The following NRG1 variants were observed in gnomAD, a reference collection of about 807,000 sequenced individuals.
NRG1 encodes pro-neuregulin-1, membrane-bound isoform.
In NRG1, 18 loss-of-function variants were observed where a neutral mutation model predicts 63.8. That is an observed-to-expected ratio of 0.28 (90% CI 0.19 to 0.42). The LOEUF (loss-of-function observed/expected upper bound fraction) is 0.42, where lower values mean the gene tolerates loss of function less well. Ranked by LOEUF, NRG1 falls within the 10% of genes least tolerant of loss-of-function variation. The probability of loss-of-function intolerance (pLI) is 1.00; values close to 1 mark genes in which losing one functional copy is unlikely to be tolerated. For missense variants in NRG1, 762 were observed against 814.7 expected, an observed-to-expected ratio of 0.94 and a Z score of 0.79; for synonymous variants, 302 against 301.3, an observed-to-expected ratio of 1.00 and a Z score of -0.02.
At chr8:32,636,369 A>G (rs898702799) in intron 5 of NRG1, among the ~76,000 whole-genome samples, 6 of 152,162 alleles carry the variant, frequency 3.9e-5, no homozygotes, top group African/African-American at 1.4e-4. Context: ...GGGGCTTTGT[A>G]CTGCATCATA....
At chr8:32,538,362 T>A (rs1832237516) in intron 1 of NRG1, among the ~76,000 whole-genome samples, 2 of 152,210 alleles carry the variant, frequency 1.3e-5, no homozygotes, top group South Asian at 4.1e-4. Flanking sequence ...AAAAATTTTA[T>A]TCCTAAAGGA....
rs113028602 is a variant in NRG1, at chr8:31,667,580, T to C, written c.37+28149T>C. ...TAATGGCCTGTTCAGGAAACTGCAC[T>C]GTGACTTAGCATGGCTGGAGGGTCC... On this transcript the variant is annotated intron_variant, in intron 1 of 10. Coordinates refer to the NRG1 transcript ENST00000519301. Among the ~76,000 whole-genome samples the C allele has an allele frequency of 2.8e-3, 419 of 152,284 alleles. 2 individuals carry two copies. Among genetic ancestry groups the C allele is most frequent in the Non-Finnish European group, 4.3e-3 (290 of 68,018 alleles).
intron 1 of NRG1, among the ~76,000 whole-genome samples, chr8:32,088,322 T>A (rs1419352524): frequency 6.6e-6 from 1 of 152,168 alleles, no homozygotes; most frequent in Non-Finnish European, 1.5e-5. Flanking sequence ...GGATAAATAA[T>A]CATGGAAAAT....
At chr8:32,161,624 C>T (rs1387747330) in intron 1 of NRG1, among the ~76,000 whole-genome samples, 1 of 151,718 alleles carries the variant, frequency 6.6e-6, no homozygotes, top group African/African-American at 2.4e-5. Context: ...CTAGTAACAA[C>T]CCTCCCAATC....
intron 9 of NRG1, among the ~76,000 whole-genome samples, chr8:32,757,269 C>T (rs1042213606): frequency 2.6e-5 from 4 of 152,074 alleles, no homozygotes; most frequent in Admixed American, 6.5e-5. Flanking sequence ...TTTCTTTTTA[C>T]AGATAAGGGC....
At chr8:31,888,630 A>G (rs1263326770) in intron 1 of NRG1, among the ~76,000 whole-genome samples, 1 of 151,290 alleles carries the variant, frequency 6.6e-6, no homozygotes, top group Non-Finnish European at 1.5e-5. Context: ...TTAACTTCCA[A>G]ATATTTACAG....
intron 1 of NRG1, among the ~76,000 whole-genome samples, chr8:32,022,769 A>G (rs992571736): frequency 1.3e-5 from 2 of 152,204 alleles, no homozygotes; most frequent in Non-Finnish European, 2.9e-5. Context: ...ACCTGGTACA[A>G]TCATTTCATG....
At chr8:32,056,916 T>C (rs1299533219) in intron 1 of NRG1, among the ~76,000 whole-genome samples, 1 of 152,162 alleles carries the variant, frequency 6.6e-6, no homozygotes, top group Non-Finnish European at 1.5e-5. Flanking sequence ...AAGAGATGAT[T>C]TGGGAAATGC....
In NRG1 at chr8:32,589,083, A is replaced by C. The variant is rs115817558; in HGVS notation, c.101-6745A>C. Among the ~76,000 whole-genome samples, 1,053 of 152,360 alleles carry C rather than the reference A, an allele frequency of 6.9e-3. 16 individuals are homozygous for C. Among genetic ancestry groups the C allele is most frequent in the African/African-American group, 0.024 (1,010 of 41,590 alleles). On this transcript the variant is annotated intron_variant, in intron 1 of 11. Transcript: ENST00000356819. The stretch of plus-strand genomic sequence containing the variant: ...TAGCAGGGCATTAAAACCTAGCTGC[A>C]TTCCGAAATACCATTACCACTAGAA...
chr8:32,513,184 T>C (rs1829414667), intron 1 of NRG1, among the ~76,000 whole-genome samples: 1 of 146,688 alleles, frequency 6.8e-6, no homozygotes, highest in Non-Finnish European at 1.5e-5. Context: ...TGTGTGTGTG[T>C]GTGTGTGTAT....
intron 1 of NRG1, among the ~76,000 whole-genome samples, chr8:31,932,116 C>T (rs1289560170): frequency 6.6e-6 from 1 of 150,788 alleles, no homozygotes; most frequent in Non-Finnish European, 1.5e-5. Context: ...TTTTTGCCTA[C>T]TTTAAGGGAA....
At chr8:31,868,144 TCTTACACACACACACACACA>T (rs1829136994) in intron 1 of NRG1, among the ~76,000 whole-genome samples, 3 of 110,980 alleles carry the variant, frequency 2.7e-5, no homozygotes, top group Non-Finnish European at 5.2e-5. Context: ...CACACATACA[TCTTACACACACACACACACA>T]CACACACACA....
chr8:32,534,808 C>T (rs116902048), intron 1 of NRG1, among the ~76,000 whole-genome samples: 3,186 of 152,074 alleles, frequency 0.021, 35 homozygotes, highest in Middle Eastern at 0.048. Context: ...AAATTGGGCT[C>T]ATTATATTAT....
chr8:31,934,399 A>G (rs1835118062), intron 1 of NRG1, among the ~76,000 whole-genome samples: 2 of 147,422 alleles, frequency 1.4e-5, no homozygotes, highest in Non-Finnish European at 3.0e-5. Flanking sequence ...ACACACATAC[A>G]CACACCCCTT....
At chr8:32,711,489 A>C (rs747999026) in intron 5 of NRG1, among the ~76,000 whole-genome samples, 2 of 152,154 alleles carry the variant, frequency 1.3e-5, no homozygotes, top group Admixed American at 1.3e-4. Flanking sequence ...AACATTATCA[A>C]TGCCAAACAC....
intron 1 of NRG1, among the ~76,000 whole-genome samples, chr8:32,430,494 G>A (rs1286839228): frequency 1.3e-5 from 2 of 152,144 alleles, no homozygotes; most frequent in African/African-American, 2.4e-5. Context: ...AGAGGTGGGC[G>A]TGTGGAGAGT....
chr8:32,055,132 C>A (rs569469177), intron 1 of NRG1, among the ~76,000 whole-genome samples: 1 of 151,732 alleles, frequency 6.6e-6, no homozygotes. Context: ...TCAGGTGATC[C>A]GCCTGCCTTG....
At chr8:32,057,378 T>C (rs1264983602) in intron 1 of NRG1, among the ~76,000 whole-genome samples, 1 of 152,190 alleles carries the variant, frequency 6.6e-6, no homozygotes, top group Non-Finnish European at 1.5e-5. Flanking sequence ...CATTGAGTTC[T>C]GCATGTTTGA....
chr8:31,865,679 C>T (rs1217282981), intron 1 of NRG1, among the ~76,000 whole-genome samples: 1 of 152,118 alleles, frequency 6.6e-6, no homozygotes, highest in Non-Finnish European at 1.5e-5. Flanking sequence ...TTTGCTCCCC[C>T]TTCTGCCACA....
Sources: allele counts gnomAD v4.1 joint callset (sites outside exome capture counted in the v4.1 genomes callset), GRCh38; gene constraint gnomAD v4.1.1; transcripts MANE v1.5; gene names NCBI Gene and HGNC (gene_info 2026-07-23, HGNC 2026-07-21).